Variants in CTNNA3 observed in about 807,000 individuals in gnomAD.
CTNNA3 encodes catenin alpha-3.
In CTNNA3, 76 loss-of-function variants were observed where a neutral mutation model predicts 95.7. The ratio of observed to expected loss-of-function variants is 0.79; its 90% CI spans 0.66 to 0.96. The LOEUF (loss-of-function observed/expected upper bound fraction) is 0.96, where lower values mean the gene tolerates loss of function less well. CTNNA3 is among the 40% of genes least tolerant of loss of function. CTNNA3 has a pLI of 0.00. For missense variants in CTNNA3, 1,191 were observed against 1,089.8 expected, an observed-to-expected ratio of 1.09 and a Z score of -1.31; for synonymous variants, 431 against 374.4, an observed-to-expected ratio of 1.15 and a Z score of -1.74.
intron 13 of CTNNA3, among the ~76,000 whole-genome samples, chr10:66,146,870 A>G (rs1438456685): frequency 1.3e-5 from 2 of 152,174 alleles, no homozygotes; most frequent in African/African-American, 4.8e-5. Flanking sequence ...TTAACCAGGG[A>G]AAATATTAGT....
chr10:67,644,737 G>A (rs1839652280), intron 2 of CTNNA3, among the ~76,000 whole-genome samples: 1 of 151,756 alleles, frequency 6.6e-6, no homozygotes, highest in East Asian at 1.9e-4. Context: ...GATAGTTATT[G>A]CATAAGTTGA....
At chr10:66,157,585 T>A (rs1371250388) in intron 13 of CTNNA3, among the ~76,000 whole-genome samples, 1 of 152,046 alleles carries the variant, frequency 6.6e-6, no homozygotes, top group Non-Finnish European at 1.5e-5. Flanking sequence ...GGCATTTGTG[T>A]TGGTTCCACA....
intron 14 of CTNNA3, among the ~76,000 whole-genome samples, chr10:66,076,723 A>C (rs1364335831): frequency 6.6e-6 from 1 of 151,726 alleles, no homozygotes; most frequent in East Asian, 1.9e-4. Context: ...TATGTCTTAA[A>C]TATAATAATG....
rs1451007220 is a variant in CTNNA3 at position 66,621,767 on chromosome 10, A to C, written c.1299T>G (p.Cys433Trp). 2.5e-6 allele frequency: 4 copies of C among 1,607,012 alleles called. No individual in the cohort carries two copies. The highest frequency in any genetic ancestry group is 2.5e-6 in the Non-Finnish European group (3 of 1,177,518). Reference sequence around the variant, plus strand: ...TTCCATCTTCATTTGTTGACATGGAACAAGCAAGATTTGCCACCTTAAATA... The same window carrying C: ...TTCCATCTTCATTTGTTGACATGGACCAAGCAAGATTTGCCACCTTAAATA... ...SRLVEVANLA[C>W]SMSTNEDGIK... The change falls in exon 10 of 18, where the codon TGT becomes TGG. Residue 433 changes from cysteine to tryptophan, a missense_variant. Physicochemically the swap from Cys to Trp is radical, Grantham distance 215. Coordinates refer to ENST00000433211, the MANE Select transcript of CTNNA3 (RefSeq NM_013266.4).
At chr10:66,648,756 G>A (rs184819574) in intron 9 of CTNNA3, among the ~76,000 whole-genome samples, 11 of 152,194 alleles carry the variant, frequency 7.2e-5, no homozygotes, top group Admixed American at 2.0e-4. Flanking sequence ...AAGTACAGGC[G>A]TGGCAGCGGA....
chr10:67,760,831 C>T (rs1841458325), intron 1 of CTNNA3, among the ~76,000 whole-genome samples: 1 of 152,148 alleles, frequency 6.6e-6, no homozygotes, highest in Admixed American at 6.5e-5. Flanking sequence ...TCACTGCCTC[C>T]CATCACCCCC....
At chr10:67,544,325 A>C (rs1047545807) in intron 3 of CTNNA3, among the ~76,000 whole-genome samples, 2 of 152,160 alleles carry the variant, frequency 1.3e-5, no homozygotes, top group African/African-American at 4.8e-5. Flanking sequence ...TTAGGCAGTG[A>C]AGGACAGTAA....
intron 3 of CTNNA3, among the ~76,000 whole-genome samples, chr10:67,563,093 C>T (rs1333859229): frequency 3.9e-5 from 6 of 152,002 alleles, no homozygotes; most frequent in South Asian, 2.1e-4. Context: ...CAATGCCATC[C>T]CCATCAAGCT....
chr10:67,665,076 G>C (rs1564818548), intron 1 of CTNNA3, among the ~76,000 whole-genome samples: 2 of 152,182 alleles, frequency 1.3e-5, no homozygotes, highest in African/African-American at 4.8e-5. Context: ...AATCATTATA[G>C]TAATAGCTCA....
At chr10:66,171,098 A>T (rs1411555756) in intron 13 of CTNNA3, among the ~76,000 whole-genome samples, 1 of 152,036 alleles carries the variant, frequency 6.6e-6, no homozygotes, top group East Asian at 1.9e-4. Context: ...GAGCCACTGC[A>T]CTCCAACCTG....
chr10:66,006,500 C>T (rs1485606766), intron 15 of CTNNA3, among the ~76,000 whole-genome samples: 1 of 152,144 alleles, frequency 6.6e-6, no homozygotes, highest in Admixed American at 6.5e-5. Context: ...TTGCCTTCCA[C>T]ACATTACTTC....
intron 17 of CTNNA3, among the ~76,000 whole-genome samples, chr10:65,931,899 A>G (rs2133145960): frequency 6.6e-6 from 1 of 152,280 alleles, no homozygotes; most frequent in South Asian, 2.1e-4. Flanking sequence ...CCCAACCTGA[A>G]AGCAGTAGGC....
At chr10:66,148,410 A>AAT (rs1333892834) in intron 13 of CTNNA3, among the ~76,000 whole-genome samples, 9 of 152,174 alleles carry the variant, frequency 5.9e-5, no homozygotes, top group Non-Finnish European at 1.2e-4. Context: ...TTCATGTTGA[A>AAT]ATCTAATCCC....
intron 13 of CTNNA3, among the ~76,000 whole-genome samples, chr10:66,174,839 T>A (rs960127380): frequency 1.3e-5 from 2 of 152,122 alleles, no homozygotes; most frequent in Non-Finnish European, 2.9e-5. Context: ...CCTTTGTTCT[T>A]CAATGCATTT....
intron 5 of CTNNA3, among the ~76,000 whole-genome samples, chr10:67,389,383 C>A (rs1184186074): frequency 2.0e-5 from 3 of 147,980 alleles, no homozygotes; most frequent in Non-Finnish European, 4.5e-5. Flanking sequence ...TATATGCACC[C>A]AATACAGGAG....
chr10:66,050,687 TA>T (rs1184259788), intron 15 of CTNNA3, among the ~76,000 whole-genome samples: 2 of 152,180 alleles, frequency 1.3e-5, no homozygotes, highest in Non-Finnish European at 2.9e-5. Context: ...TCTTTTCTTC[TA>T]ACTGTGCCCT....
rs74657652 is a variant in CTNNA3 at position 67,616,951 on chromosome 10, A to T, written c.100-9902T>A. Reference sequence around the variant, plus strand: ...ACGATGTATAACTGGAGAAGAAGTCACAGGACTGAGCTTTGAGAAACCCCA... The same window carrying T: ...ACGATGTATAACTGGAGAAGAAGTCTCAGGACTGAGCTTTGAGAAACCCCA... On this transcript the variant is annotated intron_variant, in intron 2 of 17. Transcript: ENST00000433211. Among the ~76,000 whole-genome samples the T allele has an allele frequency of 0.034, 5,175 of 152,268 alleles. 615 individuals are homozygous for T. The East Asian group carries it at 0.43, about 13-fold the overall frequency.
At chr10:66,243,100 C>A (rs1194724243) in intron 13 of CTNNA3, among the ~76,000 whole-genome samples, 3 of 152,130 alleles carry the variant, frequency 2.0e-5, no homozygotes, top group Non-Finnish European at 4.4e-5. Context: ...AATTCAGGCA[C>A]AATTGATCAG....
At chr10:66,356,912 A>T (rs2092615417) in intron 12 of CTNNA3, among the ~76,000 whole-genome samples, 1 of 152,008 alleles carries the variant, frequency 6.6e-6, no homozygotes, top group Non-Finnish European at 1.5e-5. Context: ...GGGTTGCAAT[A>T]ATTAATTTTT....
Sources: gnomAD v4.1 joint callset for allele counts (sites outside exome capture counted in the v4.1 genomes callset) on GRCh38, gnomAD v4.1.1 for gene constraint, MANE v1.5 for transcripts, NCBI Gene and HGNC (gene_info 2026-07-23, HGNC 2026-07-21) for gene names.